LRRC46: variants seen among roughly 807,000 people sequenced by gnomAD.
LRRC46 encodes leucine rich repeat containing 46.
Under a neutral mutation model 28.0 loss-of-function variants are expected in LRRC46, and 20 were observed. That is an observed-to-expected ratio of 0.71 (90% CI 0.50 to 1.04). LRRC46 has a LOEUF of 1.04. Among genes scored for constraint, LRRC46 ranks in the 50% least tolerant of loss-of-function variants. The pLI is 0.00. For synonymous variants in LRRC46, 156 were observed against 158.8 expected, an observed-to-expected ratio of 0.98 and a Z score of 0.13; for missense variants, 315 against 390.1, an observed-to-expected ratio of 0.81 and a Z score of 1.62.
chr17:47,834,608 C>A, intron 3 of LRRC46, 75 bp downstream of exon 3: 1 of 943,608 alleles, frequency 1.1e-6, no homozygotes, highest in South Asian at 1.5e-5. Flanking sequence ...AGGAGCCAAC[C>A]AGGTCATCCT....
chr17:47,835,934 G>A (rs1339240583), intron 5 of LRRC46, 99 bp from the exon 6 acceptor site: 2 of 1,419,546 alleles, frequency 1.4e-6, no homozygotes, highest in African/African-American at 1.4e-5. Context: ...ACTGGCTTTG[G>A]ACTAGAAAGT....
rs1448189622 is a variant in LRRC46 at position 47,837,167 on chromosome 17, C to T, written c.*47C>T. 6.3e-7 allele frequency: 1 copy of T among 1,582,174 alleles called. No individual in the cohort carries two copies. The highest frequency in any genetic ancestry group is 1.2e-5 in the South Asian group (1 of 85,700). The stretch of plus-strand genomic sequence containing the variant: ...CTAGTGGAGAGGAGTGGGGCCTGCC[C>T]CTCTTCTCAGACCTCTGACCTGTGA... On this transcript the variant is annotated 3_prime_UTR_variant, in exon 8 of 8. Transcript: ENST00000269025.
rs772897424 is a variant in LRRC46 at position 47,835,789 on chromosome 17, C to T, written c.382+14C>T. 15 of 1,605,202 alleles carry T rather than the reference C, an allele frequency of 9.3e-6. No individual in the cohort carries two copies. Among genetic ancestry groups the T allele is most frequent in the East Asian group, 6.7e-5 (3 of 44,854 alleles). On this transcript the variant is annotated intron_variant, in intron 5 of 7. Transcript: ENST00000269025. ...CATTGAAGCTGGGTAGGAACCCACT[C>T]GCCCTGGCTCACCAAACACATCCCC...
Position 47,832,018 on chromosome 17 carries a change from C to G in LRRC46, c.10+19C>G. 1.2e-6 allele frequency: 2 copies of G among 1,613,716 alleles called. No individual in the cohort carries two copies. The highest frequency in any genetic ancestry group is 1.7e-6 in the Non-Finnish European group (2 of 1,179,960). ...TCTGGAGGTGAGTAGGGAGGTGGGA[C>G]GGTGGGTAGAGCAGTTGGAAAACAG... is the stretch of plus-strand genomic sequence containing the variant. On this transcript the variant is annotated intron_variant, in intron 1 of 7. Transcript: ENST00000269025.
At chr17:47,834,856 G>GA (rs748587762) in intron 3 of LRRC46, 1 of 239,174 alleles carries the variant, frequency 4.2e-6, no homozygotes, top group South Asian at 8.4e-5. Flanking sequence ...AGGAAACTAT[G>GA]AAGATTCCTG....
Position 47,831,771 on chromosome 17 carries a change from C to T in LRRC46, c.-219C>T. ...ACCCCAGCTTGCTGCCAGCAAAGCC[C>T]CTCCACACCCCTCAAACTCCAGACC... On this transcript the variant is annotated 5_prime_UTR_variant, in exon 1 of 8. Coordinates refer to ENST00000269025, the MANE Select transcript of LRRC46 (RefSeq NM_033413.4). 1.5e-6 allele frequency: 1 copy of T among 657,894 alleles called. No homozygotes were observed. The highest frequency in any genetic ancestry group is 2.6e-6 in the Non-Finnish European group (1 of 380,204). The allele number at this position is 657,894 out of a possible 1,614,324, so 40.8% of individuals were successfully genotyped here.
chr17:47,836,725 A>G lies in LRRC46; in HGVS notation c.596-25A>G, dbSNP rs761806881. On this transcript the variant is annotated intron_variant, in intron 7 of 7. Transcript: ENST00000269025. This position sits in a 1 kb window ranked among gnomAD's most constrained non-coding sequence, Gnocchi z 5.8. The stretch of plus-strand genomic sequence containing the variant: ...GAGCCCAGGGCTCCACCCACCCTGT[A>G]CCCTCCACCCCCGGCCCCTCCCAGG... 8 of 1,610,662 alleles carry G rather than the reference A, an allele frequency of 5.0e-6. No individual in the cohort carries two copies. In the South Asian group the frequency reaches 8.8e-5, roughly 18 times the overall value.
intron 5 of LRRC46, 119 bp from the exon 6 acceptor site, chr17:47,835,914 G>A (rs2033688703): frequency 7.6e-7 from 1 of 1,323,596 alleles, no homozygotes; most frequent in Non-Finnish European, 1.1e-6. Context: ...AAGGGGTTGT[G>A]CCTAGAGGTA....
Position 47,831,727 on chromosome 17 carries a change from A to C in LRRC46, c.-263A>C, listed in dbSNP as rs1020688176. ...GCTTCCTAGGAACTGCTCCTTTCTC[A>C]ACCATTCCTGCCCACAACACCCCAG... On this transcript the variant is annotated 5_prime_UTR_variant, in exon 1 of 8. Coordinates refer to ENST00000269025, the MANE Select transcript of LRRC46 (RefSeq NM_033413.4). 1.0e-4 allele frequency: 67 copies of C among 641,790 alleles called. No individual in the cohort carries two copies. The East Asian group carries it at 1.8e-3, about 17-fold the overall frequency. The allele number at this position is 641,790 out of a possible 1,614,324, so 39.8% of individuals were successfully genotyped here.
At position 47,836,792 on chromosome 17, in the gene LRRC46, AGCACCG is replaced by A. The variant is rs1349679218; in HGVS notation, c.642_647del (p.His214_Arg215del). On this transcript the variant is annotated inframe_deletion, in exon 8 of 8. Transcript: ENST00000269025. This position sits in a 1 kb window ranked among gnomAD's most constrained non-coding sequence, Gnocchi z 5.8. Reference sequence around the variant, plus strand: ...GAGCAGGAGCTGAGCAGGCACAGGGAGCACCGGCAACAGACGGCCCTGACAGAGCAC... The same window carrying A: ...GAGCAGGAGCTGAGCAGGCACAGGGAGCAACAGACGGCCCTGACAGAGCAC... The A allele has an allele frequency of 3.1e-6, 5 of 1,613,716 alleles. No individual in the cohort carries two copies. The East Asian group carries it at 1.1e-4, about 36-fold the overall frequency.
chr17:47,832,603 C>G (rs1384857159), intron 2 of LRRC46, among the ~76,000 whole-genome samples: 4 of 152,186 alleles, frequency 2.6e-5, no homozygotes, highest in African/African-American at 9.7e-5. Context: ...ATCACTTGAA[C>G]CCAGGTACCT....
Position 47,835,778 on chromosome 17 carries a change from A to G in LRRC46, c.382+3A>G. 1 of 1,612,348 alleles carries G rather than the reference A, an allele frequency of 6.2e-7. No individual in the cohort carries two copies. Among genetic ancestry groups the G allele is most frequent in the Non-Finnish European group, 8.5e-7 (1 of 1,178,350 alleles). On this transcript the variant is annotated splice_donor_region_variant and intron_variant, in intron 5 of 7. Coordinates refer to ENST00000269025, the MANE Select transcript of LRRC46 (RefSeq NM_033413.4). Reference sequence around the variant, plus strand: ...CCTGATAGAAACATTGAAGCTGGGTAGGAACCCACTCGCCCTGGCTCACCA... The same window carrying G: ...CCTGATAGAAACATTGAAGCTGGGTGGGAACCCACTCGCCCTGGCTCACCA...
At position 47,836,567 on chromosome 17, in the gene LRRC46, G is replaced by T. The variant is rs764516578; in HGVS notation, c.595+92G>T. The T allele has an allele frequency of 6.5e-7, 1 of 1,544,794 alleles. No individual in the cohort carries two copies. The highest frequency in any genetic ancestry group is 1.2e-5 in the South Asian group (1 of 81,170). On this transcript the variant is annotated intron_variant, in intron 7 of 7. Coordinates refer to ENST00000269025, the MANE Select transcript of LRRC46 (RefSeq NM_033413.4). This position sits in a 1 kb window ranked among gnomAD's most constrained non-coding sequence, Gnocchi z 5.8. ...AGCTAAGGTGGCAGTGGCGTCCGGG[G>T]AGGGGAGCCCCAAGTTCAGATCAAC...
chr17:47,833,573 C>T (rs188477475), intron 2 of LRRC46, among the ~76,000 whole-genome samples: 7 of 151,628 alleles, frequency 4.6e-5, no homozygotes, highest in African/African-American at 1.5e-4. Context: ...CTCAGCCTCC[C>T]GAGTAGCTGG....
Position 47,835,405 on chromosome 17 carries a change from T to G in LRRC46, c.272+6T>G. 6.2e-7 allele frequency: 1 copy of G among 1,613,924 alleles called. No individual in the cohort carries two copies. The highest frequency in any genetic ancestry group is 8.5e-7 in the Non-Finnish European group (1 of 1,179,966). ...GCTTGCATCCCCTCCTTGCGGTATG[T>G]GGTGCCAGGGCTCAGGCAGGGGAAG... is the stretch of plus-strand genomic sequence containing the variant. On this transcript the variant is annotated splice_donor_region_variant and intron_variant, in intron 4 of 7. Transcript: ENST00000269025.
rs765326581 is a variant in LRRC46, at chr17:47,836,310, C to A, written c.453-23C>A. 5 of 1,612,914 alleles carry A rather than the reference C, an allele frequency of 3.1e-6. No individual in the cohort carries two copies. The Admixed American group carries it at 6.7e-5, about 22-fold the overall frequency. Reference sequence around the variant, plus strand: ...CACGCCAGGGTGCCCTCCTGGGTAACCTCTGCTCCTTCTGCTCTGCAGCGA... The same window carrying A: ...CACGCCAGGGTGCCCTCCTGGGTAAACTCTGCTCCTTCTGCTCTGCAGCGA... On this transcript the variant is annotated intron_variant, in intron 6 of 7. Transcript: ENST00000269025. The surrounding 1 kb of genome is among the most constrained non-coding windows in gnomAD (Gnocchi z 5.8).
intron 2 of LRRC46, chr17:47,834,048 G>T: frequency 1.0e-6 from 1 of 996,776 alleles, no homozygotes; most frequent in South Asian, 4.6e-5. Context: ...CAAAAGGAAG[G>T]TGAGGAAGGA....
At chr17:47,835,831 C>T (rs2143611408) in intron 5 of LRRC46, 56 bp downstream of exon 5, 1 of 1,470,410 alleles carries the variant, frequency 6.8e-7, no homozygotes. Flanking sequence ...GCCTGCCCTC[C>T]CCTCTGCACC....
At chr17:47,834,582 A>G (rs1425313729) in intron 3 of LRRC46, 49 bp downstream of exon 3, 1 of 1,286,260 alleles carries the variant, frequency 7.8e-7, no homozygotes, top group Non-Finnish European at 1.1e-6. Flanking sequence ...TGTGGACCTA[A>G]TCTGTCTCAT....
Sources: allele counts gnomAD v4.1 joint callset (sites outside exome capture counted in the v4.1 genomes callset), GRCh38; gene constraint gnomAD v4.1.1; non-coding constraint Gnocchi (gnomAD v3.1); transcripts MANE v1.5; gene names NCBI Gene and HGNC (gene_info 2026-07-23, HGNC 2026-07-21).